Variants in MBP observed in about 807,000 individuals in gnomAD.
The protein encoded by MBP is myelin basic protein, also known as Golli-MBP.
MBP carries 16 observed loss-of-function variants against 35.8 expected under a neutral mutation model. The ratio of observed to expected loss-of-function variants is 0.45; its 90% CI spans 0.30 to 0.68. The LOEUF (loss-of-function observed/expected upper bound fraction) is 0.68, where lower values mean the gene tolerates loss of function less well. MBP is among the 30% of genes least tolerant of loss of function. The pLI, the probability that MBP is intolerant of heterozygous loss-of-function variation, is 0.08. For synonymous variants in MBP, 143 were observed against 159.6 expected (o/e 0.90, Z 0.78); for missense variants, 380 against 404.7 (o/e 0.94, Z 0.52).
intron 2 of MBP, among the ~76,000 whole-genome samples, chr18:77,078,344 C>T (rs1396748383): frequency 6.6e-6 from 1 of 152,224 alleles, no homozygotes; most frequent in African/African-American, 2.4e-5. Context: ...CTACCACCCG[C>T]TCTCCCAGGT....
At chr18:77,116,876 A>AG (rs1248057443) in intron 1 of MBP, among the ~76,000 whole-genome samples, 1 of 151,732 alleles carries the variant, frequency 6.6e-6, no homozygotes, top group Non-Finnish European at 1.5e-5. Flanking sequence ...CAAAAAAAAA[A>AG]CAAAACAAAC....
chr18:77,062,841 C>A (rs1323423273), intron 3 of MBP, among the ~76,000 whole-genome samples: 2 of 152,246 alleles, frequency 1.3e-5, no homozygotes, highest in Non-Finnish European at 2.9e-5. Context: ...AAATACAACA[C>A]TATTGCCTTT....
intron 3 of MBP, among the ~76,000 whole-genome samples, chr18:77,065,066 C>G (rs1261476390): frequency 6.6e-6 from 1 of 152,096 alleles, no homozygotes; most frequent in Non-Finnish European, 1.5e-5. Flanking sequence ...TAATGTAAAC[C>G]TCAAATGAGA....
intron 2 of MBP, among the ~76,000 whole-genome samples, chr18:77,098,673 G>A (rs1975867704): frequency 6.6e-6 from 1 of 152,192 alleles, no homozygotes. Context: ...TTCAGAAGCT[G>A]TGCTAAGGTC....
At chr18:77,003,538 A>G (rs1253087647) in intron 4 of MBP, 1 of 152,226 alleles carries the variant, frequency 6.6e-6, no homozygotes, top group Non-Finnish European at 1.5e-5. Flanking sequence ...TCAGGGATGA[A>G]TCTGTGTGGC....
At chr18:77,014,470 C>T (rs999609731) in intron 4 of MBP, 54 of 985,346 alleles carry the variant, frequency 5.5e-5, no homozygotes, top group Admixed American at 1.2e-4. Flanking sequence ...AGACAGGGCC[C>T]GGGCCTTCCA....
intron 2 of MBP, among the ~76,000 whole-genome samples, chr18:77,074,285 GGGTCTCCCCAAGGGGGTTCAGTGAGCCCC>G (rs1568326042): frequency 6.6e-6 from 1 of 151,018 alleles, no homozygotes; most frequent in Non-Finnish European, 1.5e-5. Context: ...CAGTGAGCCC[GGGTCTCCCCAAGGGGGTTCAGTGAGCCCC>G]GGTCTCAAGG....
intron 3 of MBP, among the ~76,000 whole-genome samples, chr18:77,018,328 TCATC>T (rs1415326369): frequency 2.1e-5 from 2 of 93,926 alleles, no homozygotes; most frequent in African/African-American, 8.2e-5. Context: ...GTCCATTTAC[TCATC>T]CATCCATCTA....
At chr18:77,063,761 C>T (rs1359451789) in intron 3 of MBP, among the ~76,000 whole-genome samples, 1 of 152,124 alleles carries the variant, frequency 6.6e-6, no homozygotes, top group African/African-American at 2.4e-5. Flanking sequence ...CTCAGTATCT[C>T]TTGGAAAAGA....
At chr18:77,072,180 A>G (rs1389908593) in intron 2 of MBP, among the ~76,000 whole-genome samples, 1 of 152,080 alleles carries the variant, frequency 6.6e-6, no homozygotes, top group Non-Finnish European at 1.5e-5. Flanking sequence ...CTGCCTCATA[A>G]TTCTTATCTC....
At chr18:77,072,996 C>T (rs1974513015) in intron 2 of MBP, among the ~76,000 whole-genome samples, 1 of 152,166 alleles carries the variant, frequency 6.6e-6, no homozygotes, top group South Asian at 2.1e-4. Flanking sequence ...CTGCCATTGC[C>T]CTGTCTTAGA....
chr18:77,003,166 G>A (rs1025892376), intron 4 of MBP: 9 of 152,062 alleles, frequency 5.9e-5, no homozygotes, highest in Non-Finnish European at 1.3e-4. Flanking sequence ...TAAAACAAAG[G>A]GCCCATCAGT....
At chr18:77,048,920 AATTTT>A (rs1351742557) in intron 3 of MBP, among the ~76,000 whole-genome samples, 1 of 132,062 alleles carries the variant, frequency 7.6e-6, no homozygotes, top group Non-Finnish European at 1.7e-5. Flanking sequence ...GTTTTTTTTT[AATTTT>A]ATTTATTTTT....
At chr18:77,028,705 G>A (rs1972367566) in intron 3 of MBP, among the ~76,000 whole-genome samples, 1 of 92,850 alleles carries the variant, frequency 1.1e-5, no homozygotes, top group African/African-American at 2.9e-5. Flanking sequence ...GCCGGGCAGA[G>A]GCGCCCCTCA....
At chr18:77,038,137 T>C (rs1972849589) in intron 3 of MBP, among the ~76,000 whole-genome samples, 1 of 152,168 alleles carries the variant, frequency 6.6e-6, no homozygotes, top group Non-Finnish European at 1.5e-5. Context: ...ATCAATACAC[T>C]GAAAGACGAA....
intron 2 of MBP, among the ~76,000 whole-genome samples, chr18:77,095,153 C>A (rs992380247): frequency 2.5e-4 from 38 of 152,188 alleles, no homozygotes; most frequent in African/African-American, 8.9e-4. Flanking sequence ...GTTCTAAACT[C>A]TGCTGAAGAT....
Position 77,017,140 on chromosome 18 carries a change from G to T in MBP, c.268C>A (p.His90Asn), listed in dbSNP as rs773007424. The change falls in exon 4 of 9, where the codon CAC (histidine) becomes AAC (asparagine). Residue 90 changes from histidine (H) to asparagine (N), a missense_variant. His to Asn is a moderately conservative substitution (Grantham distance 68). Transcript: ENST00000355994. ...TCTCGGGAAAAGAGGCGGATCAAGT[G>T]GGGGCGGCTCCCTGGGTCAGCTGGG... ...AHPADPGSRP[H>N]LIRLFSRDAP... is the part of the protein sequence containing the mutation. 6.4e-7 allele frequency: 1 copy of T among 1,573,494 alleles called. No individual in the cohort carries two copies. Among genetic ancestry groups the T allele is most frequent in the Non-Finnish European group, 8.6e-7 (1 of 1,157,250 alleles).
chr18:77,021,202 C>T (rs1971973105), intron 3 of MBP, among the ~76,000 whole-genome samples: 1 of 152,162 alleles, frequency 6.6e-6, no homozygotes, highest in Admixed American at 6.5e-5. Context: ...GAGAGTGGGA[C>T]TGACACATTT....
chr18:77,097,075 A>C (rs1975784430), intron 2 of MBP, among the ~76,000 whole-genome samples: 1 of 152,212 alleles, frequency 6.6e-6, no homozygotes, highest in Admixed American at 6.5e-5. Context: ...CAGGGTCCCC[A>C]GAGACCAGGC....
Sources: gnomAD v4.1 joint callset for allele counts (sites outside exome capture counted in the v4.1 genomes callset) on GRCh38, gnomAD v4.1.1 for gene constraint, MANE v1.5 for transcripts, NCBI Gene and HGNC (gene_info 2026-07-23, HGNC 2026-07-21) for gene names.